CSMD1: variants seen among roughly 807,000 people sequenced by gnomAD.
CSMD1 encodes the protein CUB and sushi domain-containing protein 1.
A neutral mutation model predicts 417.5 loss-of-function variants in CSMD1; 213 were observed. That is an observed-to-expected ratio of 0.51 (90% CI 0.46 to 0.57). CSMD1 has a LOEUF of 0.57. Among genes scored for constraint, CSMD1 ranks in the 20% least tolerant of loss-of-function variants. The pLI is 0.00. For synonymous variants in CSMD1, 2,862 were observed against 1,736.8 expected (o/e 1.65, Z -16.11); for missense variants, 6,923 against 4,529.7 (o/e 1.53, Z -15.17).
chr8:3,888,718 G>A (rs1396246240), intron 5 of CSMD1, among the ~76,000 whole-genome samples: 1 of 152,132 alleles, frequency 6.6e-6, no homozygotes, highest in African/African-American at 2.4e-5. Flanking sequence ...GCTGGCTGAA[G>A]ACCTTATTGA....
At chr8:4,165,406 T>A (rs770297614) in intron 3 of CSMD1, among the ~76,000 whole-genome samples, 13 of 152,218 alleles carry the variant, frequency 8.5e-5, no homozygotes, top group Non-Finnish European at 1.5e-4. Context: ...GTAGAAAATA[T>A]AAGCATCATG....
Position 3,830,617 on chromosome 8 carries a change from T to C in CSMD1, c.819-76575A>G, listed in dbSNP as rs144474995. Among the ~76,000 whole-genome samples, 88 of 152,286 alleles carry C rather than the reference T, an allele frequency of 5.8e-4. 1 individual carries two copies. Among genetic ancestry groups the C allele is most frequent in the South Asian group, 4.8e-3 (23 of 4,828 alleles). On this transcript the variant is annotated intron_variant, in intron 5 of 69. Coordinates refer to ENST00000635120, the MANE Select transcript of CSMD1 (RefSeq NM_033225.6). ...TGCAAGCAACACTGGCAGAAAAATATTGATTTAATGCTCTGCCATGGCCAA... is the reference window on the plus strand; with the variant it reads ...TGCAAGCAACACTGGCAGAAAAATACTGATTTAATGCTCTGCCATGGCCAA...
chr8:3,660,665 G>A (rs981975467), intron 7 of CSMD1, among the ~76,000 whole-genome samples: 26 of 151,558 alleles, frequency 1.7e-4, no homozygotes, highest in Middle Eastern at 3.4e-3. Context: ...GGATTACAGG[G>A]TCCCTCCACC....
chr8:3,136,254 CTT>C (rs1158324400), intron 41 of CSMD1, among the ~76,000 whole-genome samples: 56 of 129,268 alleles, frequency 4.3e-4, no homozygotes, highest in Middle Eastern at 4.1e-3. Flanking sequence ...TTTTTTTTTT[CTT>C]TTTTTTTTTT....
intron 3 of CSMD1, among the ~76,000 whole-genome samples, chr8:4,338,419 G>A (rs982195162): frequency 6.6e-6 from 1 of 152,050 alleles, no homozygotes; most frequent in African/African-American, 2.4e-5. Flanking sequence ...GATGAATCAA[G>A]ACCTCATCAG....
intron 3 of CSMD1, among the ~76,000 whole-genome samples, chr8:4,148,554 G>A (rs1380616612): frequency 1.3e-5 from 2 of 152,028 alleles, no homozygotes; most frequent in Non-Finnish European, 2.9e-5. Flanking sequence ...TGGAGTTCTG[G>A]AGGCTGAGAC....
chr8:3,560,314 A>G (rs1690546511), intron 10 of CSMD1, among the ~76,000 whole-genome samples: 1 of 152,196 alleles, frequency 6.6e-6, no homozygotes, highest in Non-Finnish European at 1.5e-5. Flanking sequence ...AAACACAGAA[A>G]TGATACCATT....
intron 62 of CSMD1, among the ~76,000 whole-genome samples, chr8:2,959,689 C>A (rs1256453684): frequency 1.3e-5 from 2 of 152,060 alleles, no homozygotes; most frequent in Admixed American, 1.3e-4. Flanking sequence ...ATTAACATAG[C>A]CTAACACAGG....
At chr8:3,852,727 G>T (rs937353220) in intron 5 of CSMD1, among the ~76,000 whole-genome samples, 1 of 151,862 alleles carries the variant, frequency 6.6e-6, no homozygotes, top group African/African-American at 2.4e-5. Context: ...AGAGATGGAG[G>T]GTCAGGTAAG....
At chr8:4,511,538 G>T (rs950027347) in intron 2 of CSMD1, among the ~76,000 whole-genome samples, 2 of 152,202 alleles carry the variant, frequency 1.3e-5, no homozygotes, top group African/African-American at 4.8e-5. Flanking sequence ...CAAACTGAAA[G>T]ATCAATTCTT....
chr8:4,979,850 A>T (rs12679040), intron 1 of CSMD1, among the ~76,000 whole-genome samples: 2 of 152,202 alleles, frequency 1.3e-5, no homozygotes, highest in South Asian at 4.1e-4. Context: ...ATCCTGGCTA[A>T]CACATTGAAA....
chr8:4,662,164 A>G lies in CSMD1; in HGVS notation c.86-24606T>C, dbSNP rs144561403. 3.5e-3 allele frequency among the ~76,000 whole-genome samples: 529 copies of G among 151,820 alleles called. 2 individuals are homozygous for G. The highest frequency in any genetic ancestry group is 0.012 in the African/African-American group (499 of 41,390). The stretch of plus-strand genomic sequence containing the variant: ...TATATAAATTTCAAAGGAAATGAAA[A>G]CCCCCTATTAAATCCTTAAACAGGG... On this transcript the variant is annotated intron_variant, in intron 1 of 69. Transcript: ENST00000635120.
intron 27 of CSMD1, among the ~76,000 whole-genome samples, chr8:3,225,954 G>A (rs557346456): frequency 6.6e-6 from 1 of 152,226 alleles, no homozygotes; most frequent in Non-Finnish European, 1.5e-5. Flanking sequence ...TATTCTTTTC[G>A]ACCCACCAAC....
At chr8:3,655,659 GT>G (rs11293138) in intron 7 of CSMD1, among the ~76,000 whole-genome samples, 12,994 of 138,552 alleles carry the variant, frequency 0.094, 939 homozygotes, top group African/African-American at 0.22. Flanking sequence ...TGGAGGTTGC[GT>G]TTTTTTTTTT....
rs376754727 is a variant in CSMD1 at position 4,520,147 on chromosome 8, A to G, written c.303-100082T>C. The stretch of plus-strand genomic sequence containing the variant: ...TTCATCTGAAAGAGCAAAGTGGTAG[A>G]GCTAAAATCAGTAAGCTTGGCTCTG... On this transcript the variant is annotated intron_variant, in intron 2 of 69. Transcript: ENST00000635120. Among the ~76,000 whole-genome samples the G allele has an allele frequency of 7.2e-5, 11 of 152,286 alleles. No homozygotes were observed. In the East Asian group the frequency reaches 1.7e-3, roughly 24 times the overall value.
At chr8:4,717,239 T>G (rs1352797041) in intron 1 of CSMD1, among the ~76,000 whole-genome samples, 1 of 151,000 alleles carries the variant, frequency 6.6e-6, no homozygotes, top group Non-Finnish European at 1.5e-5. Flanking sequence ...CATAGCTACC[T>G]TGGTAATGGC....
At chr8:3,038,304 C>T (rs566696790) in intron 50 of CSMD1, among the ~76,000 whole-genome samples, 3 of 152,152 alleles carry the variant, frequency 2.0e-5, no homozygotes, top group Admixed American at 1.3e-4. Flanking sequence ...TTTTAAATTT[C>T]ATGAAATGCC....
intron 3 of CSMD1, among the ~76,000 whole-genome samples, chr8:4,186,259 G>A (rs548865226): frequency 1.4e-3 from 208 of 152,210 alleles, no homozygotes; most frequent in Middle Eastern, 6.8e-3. Context: ...CAGCAGAGGG[G>A]AAAGTGTAAA....
Position 3,189,900 on chromosome 8 carries a change from G to A in CSMD1, c.5398+12C>T. 2 of 1,563,388 alleles carry A rather than the reference G, an allele frequency of 1.3e-6. No individual in the cohort carries two copies. Among genetic ancestry groups the A allele is most frequent in the Non-Finnish European group, 1.7e-6 (2 of 1,155,058 alleles). On this transcript the variant is annotated intron_variant, in intron 34 of 69. Coordinates refer to ENST00000635120, the MANE Select transcript of CSMD1 (RefSeq NM_033225.6). ...GAGTTCTGGCGGGCAGCCGCTTAGG[G>A]ACACTGCTCACCCACACAGCTGGGG...
Sources: gnomAD v4.1 joint callset for allele counts (sites outside exome capture counted in the v4.1 genomes callset) on GRCh38, gnomAD v4.1.1 for gene constraint, MANE v1.5 for transcripts, NCBI Gene and HGNC (gene_info 2026-07-23, HGNC 2026-07-21) for gene names.